Variants in PAM observed in about 807,000 individuals in gnomAD.
PAM encodes peptidyl-glycine alpha-amidating monooxygenase.
In PAM, 72 loss-of-function variants were observed where a neutral mutation model predicts 122.1. The observed-to-expected ratio is 0.59, with a 90% CI of 0.49 to 0.72. The LOEUF (loss-of-function observed/expected upper bound fraction) is 0.72, where lower values mean the gene tolerates loss of function less well. Among genes scored for constraint, PAM ranks in the 30% least tolerant of loss-of-function variants. The pLI is 0.00. For synonymous variants in PAM, 389 were observed against 404.4 expected, an observed-to-expected ratio of 0.96 and a Z score of 0.46; for missense variants, 1,106 against 1,183.7, an observed-to-expected ratio of 0.93 and a Z score of 0.96.
rs1340401357 is a variant in PAM at position 102,926,741 on chromosome 5, A to G, written c.526+73A>G. On this transcript the variant is annotated intron_variant, in intron 7 of 25. Transcript: ENST00000438793. ...GTTTAAAATACATGCACAAACTATT[A>G]TCTACATCTTAAAAAGAATTGCCCA... The G allele has an allele frequency of 1.6e-5, 12 of 767,846 alleles. No homozygotes were observed. In the East Asian group the frequency reaches 3.1e-4, roughly 20 times the overall value. 47.6% of individuals were successfully genotyped at this position (767,846 alleles called of 1,614,324 possible).
chr5:103,017,711 G>C (rs1016691787), intron 22 of PAM, among the ~76,000 whole-genome samples: 1 of 152,164 alleles, frequency 6.6e-6, no homozygotes, highest in African/African-American at 2.4e-5. Flanking sequence ...GTTCCAGAAG[G>C]AGAGAGGGGG....
At chr5:103,017,601 AC>A (rs1242522712) in intron 22 of PAM, among the ~76,000 whole-genome samples, 168 bp downstream of exon 22, 2 of 152,216 alleles carry the variant, frequency 1.3e-5, no homozygotes, top group Admixed American at 1.3e-4. Context: ...GTGGAAAGAA[AC>A]GATTTTTTTG....
At chr5:102,854,910 T>C (rs1782229731) in intron 1 of PAM, among the ~76,000 whole-genome samples, 1 of 152,196 alleles carries the variant, frequency 6.6e-6, no homozygotes, top group Non-Finnish European at 1.5e-5. Context: ...CAAAGAAAAC[T>C]GTTAGTGCTA....
At chr5:102,935,299 T>G (rs1752900718) in intron 7 of PAM, among the ~76,000 whole-genome samples, 1 of 152,058 alleles carries the variant, frequency 6.6e-6, no homozygotes, top group African/African-American at 2.4e-5. Context: ...TTAGATCACA[T>G]TTCCCACAGA....
At chr5:102,784,436 G>T (rs1015822473) in intron 1 of PAM, among the ~76,000 whole-genome samples, 1 of 152,154 alleles carries the variant, frequency 6.6e-6, no homozygotes, top group Non-Finnish European at 1.5e-5. Flanking sequence ...AGGTATCACT[G>T]TTGTAAGCTC....
intron 1 of PAM, among the ~76,000 whole-genome samples, chr5:102,825,829 C>G (rs1213604966): frequency 6.6e-6 from 1 of 152,088 alleles, no homozygotes; most frequent in Non-Finnish European, 1.5e-5. Flanking sequence ...GCCTGGGCAA[C>G]AGATCAATAC....
chr5:102,899,096 C>T (rs1234018079), intron 3 of PAM, among the ~76,000 whole-genome samples: 1 of 151,236 alleles, frequency 6.6e-6, no homozygotes, highest in East Asian at 2.0e-4. Context: ...TACCCCACCT[C>T]TCTCTTTCTT....
chr5:103,006,102 T>C (rs146866925), intron 18 of PAM, among the ~76,000 whole-genome samples: 1 of 152,164 alleles, frequency 6.6e-6, no homozygotes, highest in East Asian at 1.9e-4. Flanking sequence ...ACTTGGCTAA[T>C]TTTTTTAAAT....
intron 1 of PAM, among the ~76,000 whole-genome samples, chr5:102,850,357 C>T (rs557617995): frequency 6.6e-6 from 1 of 152,334 alleles, no homozygotes; most frequent in Admixed American, 6.5e-5. Context: ...TAAACTTCTT[C>T]ATAAACCCCC....
At chr5:102,780,761 TTCTTTCTTTCTTTC>T (rs1227664443) in intron 1 of PAM, among the ~76,000 whole-genome samples, 3 of 27,970 alleles carry the variant, frequency 1.1e-4, no homozygotes, top group Non-Finnish European at 1.6e-4. Flanking sequence ...TTCTCTTTCT[TTCTTTCTTTCTTTC>T]TTTCTTTCTT....
intron 14 of PAM, among the ~76,000 whole-genome samples, chr5:102,970,064 C>T (rs1582342074): frequency 6.6e-6 from 1 of 151,992 alleles, no homozygotes; most frequent in Non-Finnish European, 1.5e-5. Context: ...CCCAGTAGAT[C>T]AAAATAAAGA....
At chr5:102,884,599 T>C (rs1362180603) in intron 3 of PAM, among the ~76,000 whole-genome samples, 4 of 151,880 alleles carry the variant, frequency 2.6e-5, no homozygotes, top group Non-Finnish European at 4.4e-5. Context: ...ACCAGAAAAA[T>C]TCTCTTTGTT....
chr5:102,964,266 T>C (rs1018635013), intron 14 of PAM, among the ~76,000 whole-genome samples: 1 of 151,982 alleles, frequency 6.6e-6, no homozygotes, highest in Non-Finnish European at 1.5e-5. Context: ...AGAATATTAA[T>C]CTTGATTAGA....
At chr5:102,795,935 A>T (rs1343867581) in intron 1 of PAM, among the ~76,000 whole-genome samples, 1 of 152,160 alleles carries the variant, frequency 6.6e-6, no homozygotes, top group Non-Finnish European at 1.5e-5. Flanking sequence ...TGGAGTTCAT[A>T]GTTTATTAAC....
intron 1 of PAM, among the ~76,000 whole-genome samples, chr5:102,777,888 A>G (rs1460857003): frequency 6.6e-6 from 1 of 152,176 alleles, no homozygotes; most frequent in Non-Finnish European, 1.5e-5. Context: ...TAGATTAGCG[A>G]TTAACATGGG....
chr5:102,793,613 T>G (rs1762614051), intron 1 of PAM, among the ~76,000 whole-genome samples: 1 of 152,210 alleles, frequency 6.6e-6, no homozygotes, highest in South Asian at 2.1e-4. Flanking sequence ...CTAAAACAGC[T>G]ATTGCTTAAA....
chr5:102,930,447 G>A (rs934764404), intron 7 of PAM, among the ~76,000 whole-genome samples: 1 of 152,136 alleles, frequency 6.6e-6, no homozygotes, highest in Admixed American at 6.5e-5. Flanking sequence ...AGAGCAGGAG[G>A]GAAGACAGGT....
At chr5:102,759,747 G>A (rs766550320) in intron 1 of PAM, among the ~76,000 whole-genome samples, 2 of 152,162 alleles carry the variant, frequency 1.3e-5, no homozygotes, top group Non-Finnish European at 2.9e-5. Flanking sequence ...GGACAAGCAA[G>A]GGAAGCACTG....
intron 1 of PAM, among the ~76,000 whole-genome samples, chr5:102,779,655 C>T (rs971014038): frequency 2.0e-5 from 3 of 151,764 alleles, no homozygotes; most frequent in East Asian, 2.0e-4. Context: ...ATCTAATCAG[C>T]GGCCAGTGAA....
Sources: gnomAD v4.1 joint callset for allele counts (sites outside exome capture counted in the v4.1 genomes callset) on GRCh38, gnomAD v4.1.1 for gene constraint, MANE v1.5 for transcripts, NCBI Gene and HGNC (gene_info 2026-07-23, HGNC 2026-07-21) for gene names.